The following NUGGC variants were observed in gnomAD, a reference collection of about 807,000 sequenced individuals.
NUGGC encodes the protein nuclear GTPase, germinal center associated.
In NUGGC, 58 loss-of-function variants were observed where a neutral mutation model predicts 92.6. The observed-to-expected ratio is 0.63, with a 90% CI of 0.51 to 0.78. The LOEUF (loss-of-function observed/expected upper bound fraction) is 0.78. Among genes scored for constraint, NUGGC ranks in the 30% least tolerant of loss-of-function variants. The pLI is 0.00. For missense variants in NUGGC, 925 were observed against 964.6 expected (o/e 0.96, Z 0.54); for synonymous variants, 376 against 366.4 (o/e 1.03, Z -0.30).
intron 13 of NUGGC, among the ~76,000 whole-genome samples, chr8:28,039,795 T>A (rs1809646930): frequency 6.6e-6 from 1 of 152,168 alleles, no homozygotes; most frequent in African/African-American, 2.4e-5. Context: ...GTCCATCACA[T>A]CTTCCCCTTA....
At chr8:28,077,228 G>A (rs1810744319) in intron 1 of NUGGC, among the ~76,000 whole-genome samples, 1 of 152,014 alleles carries the variant, frequency 6.6e-6, no homozygotes, top group East Asian at 1.9e-4. Context: ...AAAGGTAGAT[G>A]GGCTATAACA....
chr8:28,030,800 G>A (rs1585554278), intron 15 of NUGGC, among the ~76,000 whole-genome samples: 1 of 152,282 alleles, frequency 6.6e-6, no homozygotes, highest in East Asian at 1.9e-4. Context: ...GAGTCTTGAG[G>A]CCTCAAAACT....
chr8:28,039,852 G>A (rs563933485), intron 13 of NUGGC, among the ~76,000 whole-genome samples: 97 of 152,302 alleles, frequency 6.4e-4, no homozygotes, highest in African/African-American at 2.2e-3. Flanking sequence ...CACATGCGAA[G>A]CCCTAACCAC....
chr8:28,080,162 G>A (rs1221940869), intron 1 of NUGGC, among the ~76,000 whole-genome samples: 2 of 151,906 alleles, frequency 1.3e-5, no homozygotes, highest in Non-Finnish European at 2.9e-5. Flanking sequence ...GGCTGGTCTC[G>A]AACCCCTGAC....
At position 28,042,387 on chromosome 8, in the gene NUGGC, C is replaced by T. The variant is rs559875727; in HGVS notation, c.1447-1172G>A. Among the ~76,000 whole-genome samples, 220 of 152,316 alleles carry T rather than the reference C, an allele frequency of 1.4e-3. 2 individuals carry two copies. The highest frequency in any genetic ancestry group is 1.9e-3 in the East Asian group (10 of 5,178). ...CACTCCACCTCTCTAGCACCACCATCTCTGTTTGCCTGACACATCCTGCCA... is the reference window on the plus strand; with the variant it reads ...CACTCCACCTCTCTAGCACCACCATTTCTGTTTGCCTGACACATCCTGCCA... On this transcript the variant is annotated intron_variant, in intron 12 of 18. Coordinates refer to ENST00000413272, the MANE Select transcript of NUGGC (RefSeq NM_001010906.2).
chr8:28,070,861 G>A (rs1315410642), intron 2 of NUGGC, among the ~76,000 whole-genome samples: 2 of 151,540 alleles, frequency 1.3e-5, no homozygotes, highest in Non-Finnish European at 2.9e-5. Context: ...GTGTGGTGGT[G>A]TGCACCTGTA....
intron 18 of NUGGC, 150 bp downstream of exon 18, chr8:28,026,812 C>T: frequency 1.6e-6 from 1 of 633,808 alleles, no homozygotes; most frequent in Non-Finnish European, 2.9e-6. Flanking sequence ...TCATCGTCAT[C>T]ATCTCCATTC....
intron 4 of NUGGC, among the ~76,000 whole-genome samples, chr8:28,069,231 T>C (rs115531556): frequency 6.6e-6 from 1 of 152,306 alleles, no homozygotes; most frequent in African/African-American, 2.4e-5. Flanking sequence ...TCTCACTGAC[T>C]ACTGGTGTGA....
intron 7 of NUGGC, 23 bp from the exon 8 acceptor site, chr8:28,060,624 G>A (rs749842163): frequency 6.2e-7 from 1 of 1,600,960 alleles, no homozygotes; most frequent in East Asian, 2.2e-5. Flanking sequence ...ACCACGGCAT[G>A]TGTCAGCACA....
At chr8:28,077,737 T>C (rs532125177) in intron 1 of NUGGC, among the ~76,000 whole-genome samples, 1 of 152,314 alleles carries the variant, frequency 6.6e-6, no homozygotes, top group Non-Finnish European at 1.5e-5. Flanking sequence ...AACAAATCCA[T>C]GGTCGACCTC....
chr8:28,076,457 G>A (rs1040176083), intron 1 of NUGGC, among the ~76,000 whole-genome samples: 1 of 152,084 alleles, frequency 6.6e-6, no homozygotes, highest in African/African-American at 2.4e-5. Context: ...GCACCATCAT[G>A]CCTGGCTAAT....
chr8:28,075,740 G>T (rs1303945723), intron 1 of NUGGC, among the ~76,000 whole-genome samples: 1 of 152,186 alleles, frequency 6.6e-6, no homozygotes, highest in Non-Finnish European at 1.5e-5. Context: ...AGTTTGGTTT[G>T]CAGATATTAA....
chr8:28,034,578 G>A (rs984202077), intron 13 of NUGGC, among the ~76,000 whole-genome samples: 1 of 152,168 alleles, frequency 6.6e-6, no homozygotes, highest in African/African-American at 2.4e-5. Flanking sequence ...CACTTCGGGA[G>A]GCCAAGGCAG....
In NUGGC at chr8:28,023,432, T is replaced by C. The variant is rs949341543; in HGVS notation, c.2276A>G (p.Lys759Arg). The C allele has an allele frequency of 1.9e-6, 3 of 1,613,908 alleles. No individual in the cohort carries two copies. Among genetic ancestry groups the C allele is most frequent in the Non-Finnish European group, 2.5e-6 (3 of 1,179,848 alleles). The change falls in exon 19 of 19, where the codon AAG (lysine) becomes AGG (arginine). Residue 759 changes from lysine to arginine, a missense_variant. Lys to Arg is a conservative substitution (Grantham distance 26, BLOSUM62 2). Coordinates refer to ENST00000413272, the MANE Select transcript of NUGGC (RefSeq NM_001010906.2). ...GACCTCCCTCAGGCTTCTGTGCAGC[T>C]TCTCCATCTCCTTGTATTCACTCCC... Reference protein sequence around the residue: ...DVGSEYKEMEKLHRSLREVAE... With the variant: ...DVGSEYKEMERLHRSLREVAE...
chr8:28,049,792 A>G (rs920235478), intron 10 of NUGGC, among the ~76,000 whole-genome samples: 2 of 152,366 alleles, frequency 1.3e-5, no homozygotes, highest in Admixed American at 6.5e-5. Context: ...TGGAAGCTCA[A>G]ACCAGAAGGG....
At chr8:28,038,086 A>T (rs1809602121) in intron 13 of NUGGC, among the ~76,000 whole-genome samples, 1 of 152,184 alleles carries the variant, frequency 6.6e-6, no homozygotes. Flanking sequence ...CTCATCCCCC[A>T]GGCCCTCTCT....
At chr8:28,026,355 C>A (rs1280712431) in intron 18 of NUGGC, among the ~76,000 whole-genome samples, 3 of 152,110 alleles carry the variant, frequency 2.0e-5, no homozygotes, top group Non-Finnish European at 4.4e-5. Context: ...ACCAGGTTAC[C>A]CTCTCCAGTT....
At chr8:28,058,535 G>T (rs1810208978) in intron 8 of NUGGC, among the ~76,000 whole-genome samples, 1 of 152,136 alleles carries the variant, frequency 6.6e-6, no homozygotes, top group African/African-American at 2.4e-5. Context: ...AGTCAAAAAT[G>T]CAGCCCTCTC....
At chr8:28,040,624 CT>C (rs59192296) in intron 13 of NUGGC, among the ~76,000 whole-genome samples, 3,981 of 150,010 alleles carry the variant, frequency 0.027, 80 homozygotes, top group African/African-American at 0.056. Context: ...TCCTCTGGCT[CT>C]TTTTTTTTGT....
Sources: allele counts gnomAD v4.1 joint callset (sites outside exome capture counted in the v4.1 genomes callset), GRCh38; gene constraint gnomAD v4.1.1; transcripts MANE v1.5; gene names NCBI Gene and HGNC (gene_info 2026-07-23, HGNC 2026-07-21).